The following ASCC3 variants were observed in gnomAD, a reference collection of about 807,000 sequenced individuals.
ASCC3 encodes activating signal cointegrator 1 complex subunit 3.
Under a neutral mutation model 256.3 loss-of-function variants are expected in ASCC3, and 158 were observed. That is an observed-to-expected ratio of 0.62 (90% CI 0.54 to 0.70). ASCC3 has a LOEUF of 0.70. Ranked by LOEUF, ASCC3 falls within the 30% of genes least tolerant of loss-of-function variation. The pLI, the probability that ASCC3 is intolerant of heterozygous loss-of-function variation, is 0.00. For synonymous variants in ASCC3, 948 were observed against 883.4 expected, an observed-to-expected ratio of 1.07 and a Z score of -1.30; for missense variants, 2,259 against 2,626.0, an observed-to-expected ratio of 0.86 and a Z score of 3.05.
At chr6:100,613,346 T>C (rs976978681) in intron 30 of ASCC3, among the ~76,000 whole-genome samples, 1 of 152,092 alleles carries the variant, frequency 6.6e-6, no homozygotes, top group Admixed American at 6.5e-5. Context: ...TGTGGGTACA[T>C]AGTCACATGT....
At chr6:100,767,438 TA>T (rs546280190) in intron 8 of ASCC3, 93 bp from the exon 9 acceptor site, 24 of 1,310,150 alleles carry the variant, frequency 1.8e-5, no homozygotes, top group African/African-American at 4.4e-5. Flanking sequence ...CTTTGTTTTT[TA>T]AAAAAAAGAC....
At chr6:100,574,298 G>A (rs140248243) in intron 36 of ASCC3, among the ~76,000 whole-genome samples, 4 of 152,074 alleles carry the variant, frequency 2.6e-5, no homozygotes, top group Non-Finnish European at 5.9e-5. Context: ...ACCTTACTTT[G>A]TAAATTTAGA....
At chr6:100,596,094 A>C (rs1772281728) in intron 34 of ASCC3, among the ~76,000 whole-genome samples, 1 of 151,842 alleles carries the variant, frequency 6.6e-6, no homozygotes, top group Non-Finnish European at 1.5e-5. Flanking sequence ...TTTCGTTTTG[A>C]TTTCATCTTT....
chr6:100,852,003 G>C (rs1410675104), intron 3 of ASCC3, among the ~76,000 whole-genome samples: 1 of 152,178 alleles, frequency 6.6e-6, no homozygotes, highest in African/African-American at 2.4e-5. Context: ...GTCCGCATGA[G>C]ATGACGTATG....
At chr6:100,604,875 A>T (rs1387719156) in intron 33 of ASCC3, among the ~76,000 whole-genome samples, 2 of 152,166 alleles carry the variant, frequency 1.3e-5, no homozygotes, top group Non-Finnish European at 2.9e-5. Flanking sequence ...TCCAATATAT[A>T]GAAAAGGACT....
intron 36 of ASCC3, among the ~76,000 whole-genome samples, chr6:100,561,013 C>A (rs1365582630): frequency 6.6e-6 from 1 of 151,774 alleles, no homozygotes; most frequent in Non-Finnish European, 1.5e-5. Flanking sequence ...ATATGCATTT[C>A]CAAATTCTCA....
intron 13 of ASCC3, among the ~76,000 whole-genome samples, chr6:100,702,511 T>C (rs1778400548): frequency 1.3e-5 from 2 of 152,116 alleles, no homozygotes. Context: ...AAAAGAGGTC[T>C]GGGTTTGGAG....
chr6:100,616,584 T>TA (rs549954178), intron 30 of ASCC3, among the ~76,000 whole-genome samples: 4 of 152,206 alleles, frequency 2.6e-5, no homozygotes, highest in Non-Finnish European at 5.9e-5. Flanking sequence ...GTATTACCTC[T>TA]ACCTGGAATT....
intron 36 of ASCC3, among the ~76,000 whole-genome samples, chr6:100,554,407 C>T (rs1769462213): frequency 6.6e-6 from 1 of 152,118 alleles, no homozygotes; most frequent in Non-Finnish European, 1.5e-5. Context: ...ACTTTTATGT[C>T]ACTGCACACA....
rs1774126586 is a variant in ASCC3 at position 100,518,125 on chromosome 6, A to C, written c.5793T>G (p.Ala1931=). 1 of 1,613,432 alleles carries C rather than the reference A, an allele frequency of 6.2e-7. No individual in the cohort carries two copies. The change falls in exon 38 of 42, where the codon GCT becomes GCG. Residue 1931 remains alanine (A), a synonymous_variant. Coordinates refer to ENST00000369162, the MANE Select transcript of ASCC3 (RefSeq NM_006828.4). ...CAGTCACCAGCCAGCCCTGGTTTGCAGCCACGTCCAGCATTGCCTGAACAG... is the reference window on the plus strand; with the variant it reads ...CAGTCACCAGCCAGCCCTGGTTTGCCGCCACGTCCAGCATTGCCTGAACAG... ...LRVCQAMLDV[A]ANQGWLVTVL...
chr6:100,592,732 C>T (rs1278714695), intron 34 of ASCC3, among the ~76,000 whole-genome samples: 2 of 152,000 alleles, frequency 1.3e-5, no homozygotes, highest in Non-Finnish European at 2.9e-5. Flanking sequence ...TAAAACATTA[C>T]ATATCATTAA....
intron 10 of ASCC3, 52 bp from the exon 11 acceptor site, chr6:100,725,755 A>G: frequency 1.3e-6 from 2 of 1,589,080 alleles, no homozygotes; most frequent in South Asian, 2.2e-5. Context: ...GTTATTTAAC[A>G]TTGAACTGTG....
chr6:100,813,732 T>C (rs1018313109), intron 4 of ASCC3, among the ~76,000 whole-genome samples: 1 of 151,848 alleles, frequency 6.6e-6, no homozygotes, highest in Non-Finnish European at 1.5e-5. Context: ...AATAAATAAT[T>C]CAACAATAAC....
At chr6:100,822,335 G>A (rs912962102) in intron 4 of ASCC3, among the ~76,000 whole-genome samples, 2 of 152,002 alleles carry the variant, frequency 1.3e-5, no homozygotes, top group Non-Finnish European at 2.9e-5. Flanking sequence ...TCAGGAGTTC[G>A]AGACCAACCT....
chr6:100,540,335 T>G lies in ASCC3; in HGVS notation c.5603A>C (p.Asn1868Thr), dbSNP rs746751736. The part of the protein sequence containing the change: ...LPVRHNEDHM[N>T]SELAKCLPIE... ...GGGAAGACATTTTGCCAGTTCACTA[T>G]TCATATGATCTTCATTGTGTCTCAC... is the stretch of plus-strand genomic sequence containing the variant. Residue 1868 changes from asparagine to threonine, a missense_variant, in exon 37 of 42, where the codon AAT becomes ACT. Physicochemically the swap from Asn to Thr is moderately conservative, Grantham distance 65. Coordinates refer to ENST00000369162, the MANE Select transcript of ASCC3 (RefSeq NM_006828.4). 1 of 1,613,990 alleles carries G rather than the reference T, an allele frequency of 6.2e-7. No homozygotes were observed.
At chr6:100,798,469 A>G (rs1305490757) in intron 8 of ASCC3, among the ~76,000 whole-genome samples, 1 of 152,064 alleles carries the variant, frequency 6.6e-6, no homozygotes, top group Non-Finnish European at 1.5e-5. Context: ...CCAAAATCTT[A>G]GCTGAAAAAA....
At chr6:100,635,259 T>C (rs1774788344) in intron 25 of ASCC3, among the ~76,000 whole-genome samples, 1 of 151,990 alleles carries the variant, frequency 6.6e-6, no homozygotes, top group South Asian at 2.1e-4. Context: ...TTATTCAGCT[T>C]TAAAGAAGAA....
Position 100,650,586 on chromosome 6 carries a change from T to G in ASCC3, c.3204A>C (p.Gly1068=). Residue 1068 remains glycine (G), a synonymous_variant, in exon 20 of 42, where the codon GGA becomes GGC. Coordinates refer to ENST00000369162, the MANE Select transcript of ASCC3 (RefSeq NM_006828.4). ...ATATAAGGGAGAAACTGTCCATTTC[T>G]CCTCGGCTGATATAAGTTTGAAGTA... The part of the protein sequence containing the change: ...NILLQTYISR[G]EMDSFSLISD... The G allele has an allele frequency of 6.2e-7, 1 of 1,612,866 alleles. No homozygotes were observed. The highest frequency in any genetic ancestry group is 8.5e-7 in the Non-Finnish European group (1 of 1,179,138).
In ASCC3 at chr6:100,814,497, GA is replaced by G. The variant is rs777174791; in HGVS notation, c.802-8618del. On this transcript the variant is annotated intron_variant, in intron 4 of 41. Transcript: ENST00000369162. The stretch of plus-strand genomic sequence containing the variant: ...GGAGTCCCTCCTCCCCATTTTCTTG[GA>G]ATGGTTTCAATAGAAATGGTACCAG... 5.9e-4 allele frequency among the ~76,000 whole-genome samples: 90 copies of G among 152,060 alleles called. 1 individual carries two copies. Among genetic ancestry groups the G allele is most frequent in the Admixed American group, 3.9e-4 (6 of 15,250 alleles).
Sources: gnomAD v4.1 joint callset for allele counts (sites outside exome capture counted in the v4.1 genomes callset) on GRCh38, gnomAD v4.1.1 for gene constraint, MANE v1.5 for transcripts, NCBI Gene and HGNC (gene_info 2026-07-23, HGNC 2026-07-21) for gene names.